Variants in SYNE1 observed in about 807,000 individuals in gnomAD.
SYNE1 encodes the protein nesprin-1.
A neutral mutation model predicts 1,111.0 loss-of-function variants in SYNE1; 616 were observed. The ratio of observed to expected loss-of-function variants is 0.55; its 90% CI spans 0.52 to 0.59. The LOEUF (loss-of-function observed/expected upper bound fraction) is 0.59. Ranked by LOEUF, SYNE1 falls within the 20% of genes least tolerant of loss-of-function variation. The pLI is 0.00. For synonymous variants in SYNE1, 3,855 were observed against 3,825.8 expected, an observed-to-expected ratio of 1.01 and a Z score of -0.28; for missense variants, 10,006 against 10,417.0, an observed-to-expected ratio of 0.96 and a Z score of 1.72.
In SYNE1 at chr6:152,464,823, T is replaced by C. The variant is rs80092759; in HGVS notation, c.1932+435A>G. ...CCAGAATGAGACCCTTGCTTGAAGG[T>C]TGATAAAATCCAAAACAGAATATCT... On this transcript the variant is annotated intron_variant, in intron 18 of 145. Transcript: ENST00000367255. 8.1e-3 allele frequency: 2,026 copies of C among 251,668 alleles called. 26 individuals are homozygous for C. Among genetic ancestry groups the C allele is most frequent in the African/African-American group, 0.029 (1,275 of 44,390 alleles). The allele number at this position is 251,668 out of a possible 1,614,324, so 15.6% of individuals were successfully genotyped here. A position where few individuals can be genotyped will look rare whatever the true frequency, so the allele number is the denominator to read the frequency against.
intron 64 of SYNE1, among the ~76,000 whole-genome samples, chr6:152,361,433 C>G (rs1362242229): frequency 6.6e-6 from 1 of 152,136 alleles, no homozygotes; most frequent in Non-Finnish European, 1.5e-5. Flanking sequence ...GGAGTCTGTT[C>G]CAGTTCAGGT....
At chr6:152,341,864 AC>A (rs1399314303) in intron 74 of SYNE1, among the ~76,000 whole-genome samples, 1 of 152,122 alleles carries the variant, frequency 6.6e-6, no homozygotes, top group African/African-American at 2.4e-5. Flanking sequence ...TTATTTGAGG[AC>A]CTGCTGTACA....
chr6:152,540,170 C>A (rs2099262565), intron 3 of SYNE1, 149 bp from the exon 4 acceptor site: 2 of 784,622 alleles, frequency 2.5e-6, no homozygotes, highest in Non-Finnish European at 2.1e-6. Context: ...GAAAAGTCAA[C>A]AAGAGTCGAT....
At chr6:152,233,756 C>G in intron 112 of SYNE1, 25 bp downstream of exon 112, 1 of 1,613,974 alleles carries the variant, frequency 6.2e-7, no homozygotes, top group Non-Finnish European at 8.5e-7. Context: ...TCAGCTATTT[C>G]CCACGAAAGC....
Position 152,133,316 on chromosome 6 carries a change from T to A in SYNE1, c.25961A>T (p.Lys8654Met). 6.2e-7 allele frequency: 1 copy of A among 1,614,236 alleles called. No homozygotes were observed. Among genetic ancestry groups the A allele is most frequent in the African/African-American group, 1.3e-5 (1 of 75,066 alleles). ...CACGTCTAATAACTTCTCCAGTTCC[T>A]TGATATGACGACTGACCTCCTTCAA... ...LLLKEVSRHI[K>M]ELEKLLDVSS... is the part of the protein sequence containing the mutation. The change falls in exon 143 of 146, where the codon AAG becomes ATG. Residue 8654 changes from lysine (K) to methionine (M), a missense_variant. Coordinates refer to ENST00000367255, the MANE Select transcript of SYNE1 (RefSeq NM_182961.4).
intron 103 of SYNE1, 52 bp from the exon 104 acceptor site, chr6:152,255,141 G>A (rs1368092973): frequency 4.9e-5 from 69 of 1,404,650 alleles, no homozygotes; most frequent in Middle Eastern, 3.5e-4. Flanking sequence ...GAATTGATAT[G>A]CAAATCATGT....
chr6:152,633,215 T>G (rs1224742538), intron 2 of SYNE1, among the ~76,000 whole-genome samples: 3 of 152,184 alleles, frequency 2.0e-5, no homozygotes, highest in Non-Finnish European at 4.4e-5. Context: ...ATTGGAGAAT[T>G]TGATGGACAT....
chr6:152,589,547 A>T (rs2099551870), intron 3 of SYNE1, among the ~76,000 whole-genome samples: 1 of 152,182 alleles, frequency 6.6e-6, no homozygotes, highest in Non-Finnish European at 1.5e-5. Flanking sequence ...ACAAAAATAG[A>T]ACCATATGGG....
At chr6:152,562,050 A>G (rs2099396767) in intron 3 of SYNE1, among the ~76,000 whole-genome samples, 1 of 152,212 alleles carries the variant, frequency 6.6e-6, no homozygotes, top group South Asian at 2.1e-4. Flanking sequence ...CAAAGCAAAA[A>G]GAGGCAAATA....
At chr6:152,535,914 C>T (rs1216195554) in intron 4 of SYNE1, among the ~76,000 whole-genome samples, 1 of 152,100 alleles carries the variant, frequency 6.6e-6, no homozygotes, top group Non-Finnish European at 1.5e-5. Flanking sequence ...TTCATCGTAA[C>T]ATAACTTCTT....
At position 152,283,630 on chromosome 6, in the gene SYNE1, G is replaced by A. The variant is rs143820553; in HGVS notation, c.18207+348C>T. On this transcript the variant is annotated intron_variant, in intron 96 of 145. Coordinates refer to ENST00000367255, the MANE Select transcript of SYNE1 (RefSeq NM_182961.4). ...TGGCTCACCACAACCTCTGCCTCCC[G>A]GGCTCAAGTGATTCTCCTGTCTCAG... Among the ~76,000 whole-genome samples the A allele has an allele frequency of 5.7e-3, 863 of 152,162 alleles. 10 individuals carry two copies. Among genetic ancestry groups the A allele is most frequent in the African/African-American group, 0.019 (778 of 41,520 alleles).
At chr6:152,292,849 A>T (rs1335476286) in intron 95 of SYNE1, among the ~76,000 whole-genome samples, 1 of 152,186 alleles carries the variant, frequency 6.6e-6, no homozygotes, top group African/African-American at 2.4e-5. Flanking sequence ...CACGGTGATG[A>T]ATATGTAGGA....
chr6:152,363,379 A>C (rs1367863400), intron 63 of SYNE1, among the ~76,000 whole-genome samples: 3 of 150,004 alleles, frequency 2.0e-5, no homozygotes, highest in East Asian at 2.0e-4. Context: ...CTGTAGTACC[A>C]GCTACTCGAG....
At chr6:152,207,859 T>C (rs762040172) in intron 125 of SYNE1, 113 bp downstream of exon 125, 5 of 960,550 alleles carry the variant, frequency 5.2e-6, no homozygotes, top group Non-Finnish European at 6.6e-6. Flanking sequence ...TTGAGAACAA[T>C]GTTTGTCCCA....
In SYNE1 at chr6:152,301,950, C is replaced by T; in HGVS notation, c.17460G>A (p.Glu5820=). The T allele has an allele frequency of 1.9e-6, 3 of 1,614,248 alleles. No individual in the cohort carries two copies. The highest frequency in any genetic ancestry group is 2.5e-6 in the Non-Finnish European group (3 of 1,180,044). The change falls in exon 92 of 146, where the codon GAG becomes GAA. Residue 5820 remains glutamate (E), a synonymous_variant. Coordinates refer to ENST00000367255, the MANE Select transcript of SYNE1 (RefSeq NM_182961.4). The part of the protein sequence containing the change: ...KHATMLLTVT[E]VEGLAEGTED... ...CTGTCCCTTCCGCCAGCCCCTCGACCTCGGTCACCGTCAGCAGCATGGTGG... is the reference window on the plus strand; with the variant it reads ...CTGTCCCTTCCGCCAGCCCCTCGACTTCGGTCACCGTCAGCAGCATGGTGG...
chr6:152,441,996 G>A (rs1258759884), intron 31 of SYNE1, 79 bp downstream of exon 31: 9 of 1,534,110 alleles, frequency 5.9e-6, no homozygotes, highest in Non-Finnish European at 8.1e-6. Context: ...ACAAAGGTTC[G>A]CCTTGGTGTT....
In SYNE1 at chr6:152,221,040, A is replaced by G. The variant is rs1413291850; in HGVS notation, c.21663T>C (p.Asn7221=). Residue 7221 remains asparagine (N), a synonymous_variant, in exon 119 of 146, where the codon AAT becomes AAC. Coordinates refer to ENST00000367255, the MANE Select transcript of SYNE1 (RefSeq NM_182961.4). ...GCTCAGCAATCTCTTCCAGCAAGTTATTCCATCTGGAAATAATAACCAACA... is the reference window on the plus strand; with the variant it reads ...GCTCAGCAATCTCTTCCAGCAAGTTGTTCCATCTGGAAATAATAACCAACA... ...NTLKEVNMRW[N]NLLEEIAEQL... is the part of the protein sequence containing the mutation. The G allele has an allele frequency of 3.7e-6, 6 of 1,613,950 alleles. No individual in the cohort carries two copies. The Admixed American group carries it at 8.3e-5, about 22-fold the overall frequency.
chr6:152,233,704 C>A lies in SYNE1; in HGVS notation c.20712+77G>T, dbSNP rs2083318203. The A allele has an allele frequency of 3.2e-6, 5 of 1,566,826 alleles. No individual in the cohort carries two copies. In the South Asian group the frequency reaches 4.5e-5, roughly 14 times the overall value. On this transcript the variant is annotated intron_variant, in intron 112 of 145. Transcript: ENST00000367255. ...GACAAAGCTGATATAAATTTGTGAG[C>A]AAAAGCAAATTAATGTATTTCTCCA...
chr6:152,596,098 T>TAAAAAAAAAAAA lies in SYNE1; in HGVS notation c.67+32155_67+32166dup, dbSNP rs71017542. ...AGTGTGCCTGGCAAAAAGGGCAATC[T>TAAAAAAAAAAAA]AAAAAAAAAAAAAAAAAAAAAAAAA... On this transcript the variant is annotated intron_variant, in intron 3 of 145. Coordinates refer to ENST00000367255, the MANE Select transcript of SYNE1 (RefSeq NM_182961.4). Among the ~76,000 whole-genome samples the TAAAAAAAAAAAA allele has an allele frequency of 2.2e-4, 4 of 18,584 alleles. 1 individual carries two copies. Among genetic ancestry groups the TAAAAAAAAAAAA allele is most frequent in the Admixed American group, 1.9e-3 (2 of 1,028 alleles). The allele number at this position is 18,584 out of a possible 152,430, so 12.2% of individuals were successfully genotyped here.
Sources: allele counts gnomAD v4.1 joint callset (sites outside exome capture counted in the v4.1 genomes callset), GRCh38; gene constraint gnomAD v4.1.1; transcripts MANE v1.5; gene names NCBI Gene and HGNC (gene_info 2026-07-23, HGNC 2026-07-21).